UNC13B: variants seen among roughly 807,000 people sequenced by gnomAD.
The protein encoded by UNC13B is unc-13 homolog B.
In UNC13B, 144 loss-of-function variants were observed where a neutral mutation model predicts 211.0. That is an observed-to-expected ratio of 0.68 (90% CI 0.60 to 0.78). The LOEUF (loss-of-function observed/expected upper bound fraction) is 0.78, where lower values mean the gene tolerates loss of function less well. Among genes scored for constraint, UNC13B ranks in the 30% least tolerant of loss-of-function variants. The pLI, the probability that UNC13B is intolerant of heterozygous loss-of-function variation, is 0.00. For synonymous variants in UNC13B, 709 were observed against 725.8 expected (o/e 0.98, Z 0.37); for missense variants, 1,777 against 2,002.0 (o/e 0.89, Z 2.14).
chr9:35,304,369 G>A lies in UNC13B; in HGVS notation c.4965G>A (p.Lys1655=). 2.5e-6 allele frequency: 1 copy of A among 398,682 alleles called. No individual in the cohort carries two copies. Among genetic ancestry groups the A allele is most frequent in the East Asian group, 3.6e-5 (1 of 28,054 alleles). The allele number at this position is 398,682 out of a possible 1,614,324, so 24.7% of individuals were successfully genotyped here. A position where few individuals can be genotyped will look rare whatever the true frequency, so the allele number is the denominator to read the frequency against. Residue 1655 remains lysine (K), a synonymous_variant, in exon 9 of 40, where the codon AAG becomes AAA. Transcript: ENST00000635942. ...ATTTTTCAGGCTATAATCGTCAAAAGTTTAAAGGAGACTTTAGATCTTTCA... is the reference window on the plus strand; with the variant it reads ...ATTTTTCAGGCTATAATCGTCAAAAATTTAAAGGAGACTTTAGATCTTTCA... The part of the protein sequence containing the change: ...PLDFSGYNRQ[K]FKGDFRSFKE...
intron 1 of UNC13B, among the ~76,000 whole-genome samples, chr9:35,192,358 T>C (rs944849359): frequency 6.6e-6 from 1 of 152,258 alleles, no homozygotes; most frequent in African/African-American, 2.4e-5. Context: ...TTGCTTATTA[T>C]AGGAGACATA....
At chr9:35,350,029 G>A (rs865878832) in intron 11 of UNC13B, among the ~76,000 whole-genome samples, 1 of 152,288 alleles carries the variant, frequency 6.6e-6, no homozygotes, top group African/African-American at 2.4e-5. Context: ...AGAACATGAA[G>A]AGTAGCATGT....
chr9:35,211,734 A>G (rs1823977263), intron 1 of UNC13B, among the ~76,000 whole-genome samples: 2 of 152,218 alleles, frequency 1.3e-5, no homozygotes, highest in African/African-American at 4.8e-5. Flanking sequence ...TCTGTCCCTC[A>G]TCATTACGGC....
chr9:35,281,682 TG>T, intron 7 of UNC13B, among the ~76,000 whole-genome samples: 1 of 152,328 alleles, frequency 6.6e-6, no homozygotes, highest in East Asian at 1.9e-4. Flanking sequence ...AAATGTGTGA[TG>T]ACACATATCC....
At chr9:35,295,969 C>G (rs1408901988) in intron 8 of UNC13B, 39 bp downstream of exon 8, 4 of 1,540,790 alleles carry the variant, frequency 2.6e-6, no homozygotes, top group Non-Finnish European at 3.5e-6. Context: ...TTCCTAATAT[C>G]CAGGTCTCAT....
At chr9:35,363,619 A>G (rs925330070) in intron 11 of UNC13B, among the ~76,000 whole-genome samples, 4 of 152,176 alleles carry the variant, frequency 2.6e-5, no homozygotes, top group Non-Finnish European at 4.4e-5. Flanking sequence ...TGTGACATCA[A>G]TGGGCCTTTA....
At chr9:35,167,490 A>G (rs1411133564) in intron 1 of UNC13B, among the ~76,000 whole-genome samples, 1 of 152,012 alleles carries the variant, frequency 6.6e-6, no homozygotes, top group Non-Finnish European at 1.5e-5. Flanking sequence ...ATTCTGTTAT[A>G]TAAGCATACA....
intron 11 of UNC13B, among the ~76,000 whole-genome samples, chr9:35,333,964 G>A (rs28535895): frequency 9.3e-5 from 6 of 64,568 alleles, no homozygotes; most frequent in African/African-American, 4.4e-4. Context: ...TTTTTTGTTT[G>A]TTTTTTTTTT....
chr9:35,215,126 A>G (rs1824184752), intron 1 of UNC13B, among the ~76,000 whole-genome samples: 1 of 152,148 alleles, frequency 6.6e-6, no homozygotes, highest in Non-Finnish European at 1.5e-5. Context: ...AAATAAATAT[A>G]CTTTAGTGGT....
intron 1 of UNC13B, among the ~76,000 whole-genome samples, chr9:35,214,044 G>T (rs1424354673): frequency 2.0e-5 from 3 of 152,106 alleles, no homozygotes; most frequent in African/African-American, 7.2e-5. Context: ...TCATTAACTG[G>T]TGATAGCAGA....
In UNC13B at chr9:35,403,500, T is replaced by C. The variant is rs1224116416; in HGVS notation, c.12638T>C (p.Val4213Ala). 1 of 1,613,860 alleles carries C rather than the reference T, an allele frequency of 6.2e-7. No homozygotes were observed. The highest frequency in any genetic ancestry group is 2.2e-5 in the East Asian group (1 of 44,872). The change falls in exon 39 of 40, where the codon GTG (valine) becomes GCG (alanine). Residue 4213 changes from valine to alanine, a missense_variant. Physicochemically the swap from Val to Ala is moderately conservative, Grantham distance 64 (BLOSUM62 0). Transcript: ENST00000635942. ...TAGMFRPFVE[V>A]TMVGPHQSDK... The stretch of plus-strand genomic sequence containing the variant: ...GGTATGTTCCGGCCTTTCGTGGAGG[T>C]GACTATGGTTGGCCCACACCAAAGT...
At chr9:35,224,230 T>G (rs1457623280) in intron 1 of UNC13B, among the ~76,000 whole-genome samples, 1 of 152,222 alleles carries the variant, frequency 6.6e-6, no homozygotes, top group Non-Finnish European at 1.5e-5. Context: ...ATCTCTAGAT[T>G]GCTTTGGATA....
rs1587577131 is a variant in UNC13B, at chr9:35,302,862, A to C, written c.3458A>C (p.Asn1153Thr). 1 of 398,686 alleles carries C rather than the reference A, an allele frequency of 2.5e-6. No individual in the cohort carries two copies. The highest frequency in any genetic ancestry group is 3.6e-5 in the East Asian group (1 of 28,062). 24.7% of individuals were successfully genotyped at this position (398,686 alleles called of 1,614,324 possible). A position where few individuals can be genotyped will look rare whatever the true frequency, so the allele number is the denominator to read the frequency against. Reference protein sequence around the residue: ...TQGSFLSGLFNRFSSAENLSS... With the variant: ...TQGSFLSGLFTRFSSAENLSS... ...GGAAGCTTCCTTTCTGGCCTGTTTA[A>C]TAGGTTTTCTTCTGCTGAAAATTTG... The change falls in exon 9 of 40, where the codon AAT becomes ACT. Residue 1153 changes from asparagine (N) to threonine (T), a missense_variant. Asn to Thr is a moderately conservative substitution (Grantham distance 65). Coordinates refer to ENST00000635942, the MANE Select transcript of UNC13B (RefSeq NM_001371189.2).
At chr9:35,262,944 A>G (rs1827363989) in intron 7 of UNC13B, among the ~76,000 whole-genome samples, 1 of 152,084 alleles carries the variant, frequency 6.6e-6, no homozygotes, top group African/African-American at 2.4e-5. Flanking sequence ...AAAAAAACCA[A>G]ACCAAACCAA....
At chr9:35,242,086 G>A (rs762089900) in intron 5 of UNC13B, among the ~76,000 whole-genome samples, 2 of 152,142 alleles carry the variant, frequency 1.3e-5, no homozygotes, top group Admixed American at 6.6e-5. Context: ...CATACTTGAT[G>A]TTTTTAAAAG....
chr9:35,247,507 T>C (rs1826176306), intron 6 of UNC13B, among the ~76,000 whole-genome samples: 1 of 152,192 alleles, frequency 6.6e-6, no homozygotes, highest in African/African-American at 2.4e-5. Context: ...AGATAGCTCT[T>C]ATTATTTTGA....
chr9:35,264,950 G>A (rs781326842), intron 7 of UNC13B, among the ~76,000 whole-genome samples: 36 of 152,088 alleles, frequency 2.4e-4, no homozygotes, highest in Non-Finnish European at 4.7e-4. Context: ...GTCTGGTTTC[G>A]CAGGTTTATA....
At position 35,370,354 on chromosome 9, in the gene UNC13B, A is replaced by T. The variant is rs750783385; in HGVS notation, c.9498A>T (p.Pro3166=). ...GGCTCTATGGCATTGACAGCATGCC[A>T]GATTTACGCAGAAAGAAGCCACTGC... ...AGGLYGIDSM[P]DLRRKKPLPL... is the part of the protein sequence containing the mutation. The change falls in exon 13 of 40, where the codon CCA becomes CCT. Residue 3166 remains proline, a synonymous_variant. Transcript: ENST00000635942. 5 of 1,613,906 alleles carry T rather than the reference A, an allele frequency of 3.1e-6. No individual in the cohort carries two copies. In the Admixed American group the frequency reaches 8.3e-5, roughly 27 times the overall value.
chr9:35,398,307 G>A lies in UNC13B; in HGVS notation c.11832+19G>A. 1 of 1,610,450 alleles carries A rather than the reference G, an allele frequency of 6.2e-7. No individual in the cohort carries two copies. Among genetic ancestry groups the A allele is most frequent in the East Asian group, 2.2e-5 (1 of 44,776 alleles). On this transcript the variant is annotated intron_variant, in intron 31 of 39. Transcript: ENST00000635942. ...CAAGGAGGTAGGTCTTAGGGTTTGG[G>A]AGTCACTGTATTTTCCCTTTATTCC...
Sources: allele counts gnomAD v4.1 joint callset (sites outside exome capture counted in the v4.1 genomes callset), GRCh38; gene constraint gnomAD v4.1.1; transcripts MANE v1.5; gene names NCBI Gene and HGNC (gene_info 2026-07-23, HGNC 2026-07-21).